The following PTPRD variants were observed in gnomAD, a reference collection of about 807,000 sequenced individuals.
PTPRD encodes protein tyrosine phosphatase receptor type D.
Under a neutral mutation model 214.5 loss-of-function variants are expected in PTPRD, and 34 were observed. The observed-to-expected ratio is 0.16, with a 90% CI of 0.12 to 0.21. PTPRD has a LOEUF of 0.21. PTPRD is among the 10% of genes least tolerant of loss of function. The probability of loss-of-function intolerance (pLI) is 1.00; values close to 1 mark genes in which losing one functional copy is unlikely to be tolerated. For synonymous variants in PTPRD, 1,128 were observed against 845.7 expected, an observed-to-expected ratio of 1.33 and a Z score of -5.79; for missense variants, 2,545 against 2,398.7, an observed-to-expected ratio of 1.06 and a Z score of -1.27.
chr9:8,370,231 C>CAT (rs2081126249), intron 39 of PTPRD, among the ~76,000 whole-genome samples: 1 of 34,810 alleles, frequency 2.9e-5, no homozygotes, highest in Admixed American at 2.8e-4. Flanking sequence ...CACACACACA[C>CAT]ACACACATAT....
intron 11 of PTPRD, among the ~76,000 whole-genome samples, chr9:8,969,083 A>T (rs7859483): frequency 1.8e-4 from 27 of 151,992 alleles, no homozygotes; most frequent in Non-Finnish European, 3.4e-4. Flanking sequence ...AAAAGGAACC[A>T]CTCCTCCTCC....
chr9:8,918,009 G>C (rs1161310831), intron 11 of PTPRD, among the ~76,000 whole-genome samples: 2 of 152,104 alleles, frequency 1.3e-5, no homozygotes, highest in East Asian at 3.9e-4. Context: ...GGGGGATTTC[G>C]GGCCTCAGAA....
chr9:9,815,715 G>C (rs1353708683), intron 5 of PTPRD, among the ~76,000 whole-genome samples: 11 of 152,072 alleles, frequency 7.2e-5, no homozygotes, highest in South Asian at 6.2e-4. Flanking sequence ...GAAAAGCAGA[G>C]AGTAGAATGG....
intron 5 of PTPRD, among the ~76,000 whole-genome samples, chr9:9,814,527 C>T (rs1175115289): frequency 6.6e-6 from 1 of 151,948 alleles, no homozygotes; most frequent in African/African-American, 2.4e-5. Flanking sequence ...GAAAACAATC[C>T]CATTTGCAAT....
chr9:10,151,123 C>T (rs911967664), intron 3 of PTPRD, among the ~76,000 whole-genome samples: 4 of 139,960 alleles, frequency 2.9e-5, no homozygotes, highest in South Asian at 2.3e-4. Context: ...TACAGTGGTG[C>T]GATCTCGGCT....
intron 4 of PTPRD, among the ~76,000 whole-genome samples, chr9:9,963,161 G>T (rs2094473095): frequency 6.6e-6 from 1 of 151,946 alleles, no homozygotes; most frequent in Non-Finnish European, 1.5e-5. Flanking sequence ...TTTAAAAAAT[G>T]TTTTTATAAA....
intron 39 of PTPRD, among the ~76,000 whole-genome samples, chr9:8,351,072 C>T (rs182256213): frequency 1.6e-3 from 237 of 152,154 alleles, no homozygotes; most frequent in African/African-American, 5.5e-3. Context: ...ACAATCATGG[C>T]TAGGGAACTA....
chr9:9,806,001 C>T (rs956681402), intron 5 of PTPRD, among the ~76,000 whole-genome samples: 2 of 152,106 alleles, frequency 1.3e-5, no homozygotes, highest in South Asian at 4.1e-4. Flanking sequence ...GAATGGTGAT[C>T]CTAACCCTCA....
At chr9:9,758,148 C>CAAAA (rs3050038) in intron 6 of PTPRD, among the ~76,000 whole-genome samples, 7 of 114,938 alleles carry the variant, frequency 6.1e-5, no homozygotes, top group African/African-American at 1.3e-4. Flanking sequence ...GTAAAAATGG[C>CAAAA]AAAAAAAAAA....
intron 3 of PTPRD, among the ~76,000 whole-genome samples, chr9:10,166,924 G>A (rs1178546648): frequency 6.6e-6 from 1 of 152,052 alleles, no homozygotes; most frequent in East Asian, 1.9e-4. Context: ...ATACCCTATA[G>A]CATGTGCAAA....
intron 8 of PTPRD, among the ~76,000 whole-genome samples, chr9:9,463,368 T>G (rs992686019): frequency 2.7e-5 from 4 of 150,888 alleles, no homozygotes; most frequent in African/African-American, 9.8e-5. Context: ...GATGAGAGAG[T>G]GGGTTGGAAG....
At chr9:9,293,312 T>C (rs983101507) in intron 9 of PTPRD, among the ~76,000 whole-genome samples, 4 of 151,436 alleles carry the variant, frequency 2.6e-5, no homozygotes, top group African/African-American at 9.7e-5. Context: ...AATATATTGT[T>C]CCAGATTTGG....
chr9:9,746,209 G>A (rs1459964069), intron 6 of PTPRD, among the ~76,000 whole-genome samples: 1 of 151,960 alleles, frequency 6.6e-6, no homozygotes, highest in Non-Finnish European at 1.5e-5. Context: ...GATCTTAAAG[G>A]GTAAGCTAAG....
intron 10 of PTPRD, among the ~76,000 whole-genome samples, chr9:9,085,774 A>G (rs2099766216): frequency 6.6e-6 from 1 of 152,026 alleles, no homozygotes; most frequent in African/African-American, 2.4e-5. Context: ...ATAAAGTCCA[A>G]ATGTTTTAAA....
intron 5 of PTPRD, among the ~76,000 whole-genome samples, chr9:9,814,312 A>AAAG (rs1271777819): frequency 6.9e-6 from 1 of 144,214 alleles, no homozygotes; most frequent in Non-Finnish European, 1.6e-5. Context: ...AAGAAAGAAA[A>AAAG]AAAAAAAAGC....
chr9:8,456,111 T>C (rs1046115126), intron 33 of PTPRD, among the ~76,000 whole-genome samples: 1 of 152,182 alleles, frequency 6.6e-6, no homozygotes, highest in African/African-American at 2.4e-5. Context: ...GTTTGACTTG[T>C]ATACATTTAA....
At chr9:9,305,908 G>A (rs1956983597) in intron 9 of PTPRD, among the ~76,000 whole-genome samples, 1 of 151,980 alleles carries the variant, frequency 6.6e-6, no homozygotes, top group African/African-American at 2.4e-5. Flanking sequence ...CTCTTTCATA[G>A]GGAACACAGC....
intron 2 of PTPRD, among the ~76,000 whole-genome samples, chr9:10,380,042 C>A (rs369999453): frequency 1.3e-5 from 2 of 152,046 alleles, no homozygotes; most frequent in Admixed American, 6.6e-5. Context: ...TCACAGCAAG[C>A]TGGAAATGCT....
intron 8 of PTPRD, among the ~76,000 whole-genome samples, chr9:9,472,665 CA>C (rs1293687209): frequency 1.3e-5 from 2 of 152,112 alleles, no homozygotes; most frequent in Admixed American, 6.5e-5. Context: ...GACCAGTTAT[CA>C]CTATAAAGCA....
Sources: allele counts gnomAD v4.1 joint callset (sites outside exome capture counted in the v4.1 genomes callset), GRCh38; gene constraint gnomAD v4.1.1; transcripts MANE v1.5; gene names NCBI Gene and HGNC (gene_info 2026-07-23, HGNC 2026-07-21).